Variants in CNTN3 observed in about 807,000 individuals in gnomAD.
CNTN3 encodes contactin-3.
In CNTN3, 60 loss-of-function variants were observed where a neutral mutation model predicts 119.1. The observed-to-expected ratio is 0.50, with a 90% CI of 0.41 to 0.62. CNTN3 has a LOEUF of 0.62. CNTN3 is among the 20% of genes least tolerant of loss of function. The probability of loss-of-function intolerance (pLI) is 0.00; values close to 1 mark genes in which losing one functional copy is unlikely to be tolerated. For synonymous variants in CNTN3, 450 were observed against 438.7 expected (o/e 1.03, Z -0.32); for missense variants, 1,101 against 1,242.4 (o/e 0.89, Z 1.71).
chr3:74,361,742 A>G lies in CNTN3; in HGVS notation c.1364+148T>C, dbSNP rs1575660126. 9.2e-6 allele frequency: 7 copies of G among 762,482 alleles called. No homozygotes were observed. The East Asian group carries it at 1.8e-4, about 20-fold the overall frequency. The allele number at this position is 762,482 out of a possible 1,614,324, so 47.2% of individuals were successfully genotyped here. On this transcript the variant is annotated intron_variant, in intron 11 of 22. Transcript: ENST00000263665. ...CTGAATACTCTTACAAAGGTATTAA[A>G]GAACAAAAATACTACTATTTTAGTT...
At chr3:74,593,495 G>A (rs1328068512) in intron 1 of CNTN3, among the ~76,000 whole-genome samples, 1 of 151,972 alleles carries the variant, frequency 6.6e-6, no homozygotes, top group Non-Finnish European at 1.5e-5. Flanking sequence ...GTGCTATAAT[G>A]TCTATGTGCT....
At chr3:74,455,601 C>T (rs1021629920) in intron 4 of CNTN3, among the ~76,000 whole-genome samples, 6 of 152,050 alleles carry the variant, frequency 3.9e-5, no homozygotes, top group African/African-American at 1.4e-4. Context: ...TCCAGTTTTT[C>T]TGCTCTGTTT....
intron 5 of CNTN3, among the ~76,000 whole-genome samples, chr3:74,423,698 C>G (rs144362414): frequency 1.3e-3 from 197 of 152,318 alleles, no homozygotes; most frequent in African/African-American, 4.5e-3. Flanking sequence ...TAAAGTTCTT[C>G]TGAAACATCA....
chr3:74,302,881 A>C (rs1702487481), intron 13 of CNTN3, 74 bp from the exon 14 acceptor site: 1 of 908,880 alleles, frequency 1.1e-6, no homozygotes, highest in East Asian at 2.5e-5. Flanking sequence ...TCTATGGCCA[A>C]AAACAACAAC....
At position 74,326,364 on chromosome 3, in the gene CNTN3, T is replaced by A. The variant is rs533197494; in HGVS notation, c.1668+8371A>T. Among the ~76,000 whole-genome samples, 18 of 152,318 alleles carry A rather than the reference T, an allele frequency of 1.2e-4. No individual in the cohort carries two copies. In the South Asian group the frequency reaches 2.1e-3, roughly 18 times the overall value. Reference sequence around the variant, plus strand: ...AGTAGACACATATTAATTGTACATATTTATGCATTACAGTGTAATATTTAG... The same window carrying A: ...AGTAGACACATATTAATTGTACATAATTATGCATTACAGTGTAATATTTAG... On this transcript the variant is annotated intron_variant, in intron 13 of 22. Transcript: ENST00000263665.
chr3:74,469,006 TA>T (rs1180249573), intron 4 of CNTN3, among the ~76,000 whole-genome samples: 1 of 151,920 alleles, frequency 6.6e-6, no homozygotes, highest in Admixed American at 6.6e-5. Context: ...AAATCTCAAT[TA>T]AAAAAAAGAA....
intron 2 of CNTN3, among the ~76,000 whole-genome samples, chr3:74,503,078 C>G (rs976311408): frequency 3.9e-5 from 6 of 152,128 alleles, no homozygotes; most frequent in Non-Finnish European, 8.8e-5. Context: ...ATCTTCTCAC[C>G]TTGCACGTGG....
chr3:74,366,774 G>GTATATATATATATA (rs1559565914), intron 8 of CNTN3, among the ~76,000 whole-genome samples: 1 of 38,988 alleles, frequency 2.6e-5, no homozygotes, highest in Non-Finnish European at 4.3e-5. Context: ...GTGTGTGTGT[G>GTATATATATATATA]TGTGTGTATA....
In CNTN3 at chr3:74,446,823, C is replaced by A. The variant is rs1224511600; in HGVS notation, c.359-21883G>T. Reference sequence around the variant, plus strand: ...AGCCAAAATACTCCTACATGCATTCCCAGAGATCAGGGTCATAGGGTATAA... The same window carrying A: ...AGCCAAAATACTCCTACATGCATTCACAGAGATCAGGGTCATAGGGTATAA... On this transcript the variant is annotated intron_variant, in intron 4 of 22. Transcript: ENST00000263665. Among the ~76,000 whole-genome samples, 3 of 151,740 alleles carry A rather than the reference C, an allele frequency of 2.0e-5. No individual in the cohort carries two copies. The East Asian group carries it at 5.8e-4, about 29-fold the overall frequency.
In CNTN3 at chr3:74,346,094, AAATAG is replaced by A. The variant is rs780480363; in HGVS notation, c.1365-9441_1365-9437del. On this transcript the variant is annotated intron_variant, in intron 11 of 22. Transcript: ENST00000263665. ...AAATACGACACGATATAAGTAAATG[AAATAG>A]AATAGAAGATATAAAGTTATTAAAA... is the stretch of plus-strand genomic sequence containing the variant. Among the ~76,000 whole-genome samples, 8 of 152,340 alleles carry A rather than the reference AAATAG, an allele frequency of 5.3e-5. No homozygotes were observed. In the South Asian group the frequency reaches 1.0e-3, roughly 20 times the overall value.
chr3:74,490,075 C>T (rs1702934660), intron 3 of CNTN3, among the ~76,000 whole-genome samples: 1 of 152,146 alleles, frequency 6.6e-6, no homozygotes, highest in Non-Finnish European at 1.5e-5. Flanking sequence ...CTATGTCTTC[C>T]ACCTATGGCT....
intron 4 of CNTN3, among the ~76,000 whole-genome samples, chr3:74,479,940 G>T (rs1173554706): frequency 2.6e-5 from 4 of 151,904 alleles, no homozygotes; most frequent in Admixed American, 2.6e-4. Flanking sequence ...AAATCAATAA[G>T]TAAAATAATG....
At chr3:74,309,644 A>G (rs1204688803) in intron 13 of CNTN3, among the ~76,000 whole-genome samples, 2 of 152,172 alleles carry the variant, frequency 1.3e-5, no homozygotes, top group Admixed American at 1.3e-4. Context: ...GATTCCAATG[A>G]GCAGTTAGGG....
chr3:74,475,406 A>G (rs997578400), intron 4 of CNTN3, among the ~76,000 whole-genome samples: 1 of 152,204 alleles, frequency 6.6e-6, no homozygotes, highest in African/African-American at 2.4e-5. Context: ...GGAGGATGAC[A>G]GGATTAGTTT....
intron 1 of CNTN3, among the ~76,000 whole-genome samples, chr3:74,600,450 G>T (rs927983386): frequency 2.0e-5 from 3 of 152,038 alleles, no homozygotes; most frequent in Admixed American, 2.0e-4. Context: ...TGGGAAATAT[G>T]GGTTTCATTT....
At chr3:74,299,981 T>A in intron 16 of CNTN3, 43 bp from the exon 17 acceptor site, 1 of 1,223,032 alleles carries the variant, frequency 8.2e-7, no homozygotes, top group Non-Finnish European at 1.1e-6. Context: ...TACTTGCATT[T>A]AGTAATATTT....
chr3:74,451,317 G>C (rs1446414331), intron 4 of CNTN3, among the ~76,000 whole-genome samples: 4 of 152,268 alleles, frequency 2.6e-5, no homozygotes, highest in African/African-American at 9.6e-5. Flanking sequence ...GTCTTCTTTG[G>C]AGAAGTGTCT....
rs775346597 is a variant in CNTN3, at chr3:74,336,537, C to T, written c.1486G>A (p.Val496Ile). 2 of 1,612,122 alleles carry T rather than the reference C, an allele frequency of 1.2e-6. No homozygotes were observed. The highest frequency in any genetic ancestry group is 1.7e-6 in the Non-Finnish European group (2 of 1,178,594). ...GKANGTTHLV[V>I]TEPTRITLAP... Reference sequence around the variant, plus strand: ...ATTTTAGAAATGGACCTACCCGTAACAACCAAATGTGTTGTGCCATTTGCT... The same window carrying T: ...ATTTTAGAAATGGACCTACCCGTAATAACCAAATGTGTTGTGCCATTTGCT... The change falls in exon 12 of 23, where the codon GTT (valine) becomes ATT (isoleucine). Residue 496 changes from valine to isoleucine, a missense_variant. Physicochemically the swap from Val to Ile is conservative, Grantham distance 29. Coordinates refer to ENST00000263665, the MANE Select transcript of CNTN3 (RefSeq NM_020872.3).
chr3:74,441,966 A>G (rs530691907), intron 4 of CNTN3, among the ~76,000 whole-genome samples: 13 of 152,056 alleles, frequency 8.5e-5, no homozygotes, highest in Non-Finnish European at 1.3e-4. Flanking sequence ...TATTCCATTC[A>G]ATTTCATTTT....
Sources: gnomAD v4.1 joint callset for allele counts (sites outside exome capture counted in the v4.1 genomes callset) on GRCh38, gnomAD v4.1.1 for gene constraint, MANE v1.5 for transcripts, NCBI Gene and HGNC (gene_info 2026-07-23, HGNC 2026-07-21) for gene names.